The following EYS variants were observed in gnomAD, a reference collection of about 807,000 sequenced individuals.
EYS encodes the protein protein eyes shut homolog.
Under a neutral mutation model 282.1 loss-of-function variants are expected in EYS, and 250 were observed. That is an observed-to-expected ratio of 0.89 (90% CI 0.80 to 0.98). The LOEUF (loss-of-function observed/expected upper bound fraction) is 0.98, where lower values mean the gene tolerates loss of function less well. EYS is among the 50% of genes least tolerant of loss of function. The pLI, the probability that EYS is intolerant of heterozygous loss-of-function variation, is 0.00. For missense variants in EYS, 4,016 were observed against 3,709.0 expected, an observed-to-expected ratio of 1.08 and a Z score of -2.15; for synonymous variants, 1,355 against 1,282.9, an observed-to-expected ratio of 1.06 and a Z score of -1.20.
intron 12 of EYS, among the ~76,000 whole-genome samples, chr6:65,081,456 C>A (rs984469817): frequency 2.6e-5 from 4 of 151,936 alleles, no homozygotes; most frequent in African/African-American, 7.3e-5. Flanking sequence ...AAATTTACAA[C>A]AAATACTTTG....
At chr6:64,814,182 G>A (rs1377706060) in intron 21 of EYS, among the ~76,000 whole-genome samples, 2 of 152,036 alleles carry the variant, frequency 1.3e-5, no homozygotes, top group Non-Finnish European at 2.9e-5. Context: ...TCTGACACCT[G>A]TAGCTGCAGA....
intron 15 of EYS, among the ~76,000 whole-genome samples, chr6:64,913,139 T>C (rs1052299344): frequency 4.3e-4 from 65 of 152,254 alleles, no homozygotes; most frequent in African/African-American, 1.4e-3. Flanking sequence ...CTTAGCAATA[T>C]GTGAAATTCT....
chr6:64,395,533 C>CA (rs1218058515), intron 28 of EYS, among the ~76,000 whole-genome samples: 7 of 149,334 alleles, frequency 4.7e-5, no homozygotes, highest in African/African-American at 1.7e-4. Context: ...ATCGCAAGAA[C>CA]AAAAAACCAA....
intron 35 of EYS, among the ~76,000 whole-genome samples, chr6:63,964,908 C>G (rs1348618487): frequency 1.3e-5 from 2 of 152,166 alleles, no homozygotes; most frequent in Non-Finnish European, 2.9e-5. Flanking sequence ...ATTATGCCAA[C>G]AGATACTGCC....
intron 11 of EYS, among the ~76,000 whole-genome samples, chr6:65,328,586 AAAAT>A (rs1473063690): frequency 6.6e-6 from 1 of 151,154 alleles, no homozygotes; most frequent in Non-Finnish European, 1.5e-5. Flanking sequence ...AAATTGGACT[AAAAT>A]AATTTATGAA....
intron 12 of EYS, among the ~76,000 whole-genome samples, chr6:65,163,897 G>T (rs892528172): frequency 2.0e-5 from 3 of 151,206 alleles, no homozygotes; most frequent in African/African-American, 7.3e-5. Flanking sequence ...GTAGATACCA[G>T]ATGGCTCCAA....
intron 5 of EYS, among the ~76,000 whole-genome samples, chr6:65,453,567 T>C (rs966086420): frequency 6.6e-6 from 1 of 152,022 alleles, no homozygotes; most frequent in East Asian, 1.9e-4. Flanking sequence ...TTTTGTAATA[T>C]ACAATATTAA....
chr6:63,826,845 C>CAAAAAAAAAAAAAAAAAAAA (rs59957107), intron 36 of EYS, among the ~76,000 whole-genome samples: 3 of 76,762 alleles, frequency 3.9e-5, no homozygotes, highest in Admixed American at 1.4e-4. Context: ...AGTTAAAAAG[C>CAAAAAAAAAAAAAAAAAAAA]AAAAAAAAAA....
chr6:64,712,327 A>G (rs1322563340), intron 22 of EYS, among the ~76,000 whole-genome samples: 2 of 152,246 alleles, frequency 1.3e-5, no homozygotes, highest in Non-Finnish European at 2.9e-5. Context: ...AAAGTGTCTT[A>G]GTTAAAGAGA....
At chr6:64,446,959 T>C (rs1053224210) in intron 26 of EYS, among the ~76,000 whole-genome samples, 1 of 145,938 alleles carries the variant, frequency 6.9e-6, no homozygotes, top group African/African-American at 2.5e-5. Flanking sequence ...GAAACAATAA[T>C]GGAAATGTAT....
chr6:65,486,000 T>A (rs1765769328), intron 5 of EYS, among the ~76,000 whole-genome samples: 1 of 152,206 alleles, frequency 6.6e-6, no homozygotes, highest in Non-Finnish European at 1.5e-5. Context: ...CAAACAATAT[T>A]CAAAAATAAA....
chr6:64,656,862 G>T (rs997724811), intron 22 of EYS, among the ~76,000 whole-genome samples: 5 of 152,138 alleles, frequency 3.3e-5, no homozygotes, highest in Admixed American at 6.6e-5. Context: ...GGCTGTAAAA[G>T]GTTGAAATGG....
intron 26 of EYS, among the ~76,000 whole-genome samples, chr6:64,446,894 G>A (rs970897735): frequency 6.6e-6 from 1 of 150,930 alleles, no homozygotes; most frequent in African/African-American, 2.4e-5. Flanking sequence ...GAAATATTTT[G>A]CAACCAAAAT....
chr6:64,665,516 G>GT (rs1293637780), intron 22 of EYS, among the ~76,000 whole-genome samples: 10 of 152,028 alleles, frequency 6.6e-5, no homozygotes, highest in Non-Finnish European at 1.0e-4. Context: ...GTCATTCTAA[G>GT]TTTTTTGGAT....
intron 12 of EYS, among the ~76,000 whole-genome samples, chr6:65,058,761 A>G (rs1773487873): frequency 6.6e-6 from 1 of 150,782 alleles, no homozygotes; most frequent in Non-Finnish European, 1.5e-5. Context: ...TAGATTGCTT[A>G]ATTTCCCAAC....
intron 31 of EYS, among the ~76,000 whole-genome samples, chr6:64,190,861 C>G (rs767584783): frequency 1.3e-5 from 2 of 152,162 alleles, no homozygotes; most frequent in Non-Finnish European, 2.9e-5. Flanking sequence ...ATTTTTGTAA[C>G]TACCTATTAT....
chr6:63,902,255 AAAAAATTCTG>A (rs1311274200), intron 35 of EYS, among the ~76,000 whole-genome samples: 1 of 152,112 alleles, frequency 6.6e-6, no homozygotes, highest in Non-Finnish European at 1.5e-5. Context: ...ACCAAACCAA[AAAAAATTCTG>A]ATTGTCAATC....
intron 29 of EYS, among the ~76,000 whole-genome samples, chr6:64,339,284 G>GA (rs1382034013): frequency 2.0e-5 from 3 of 149,384 alleles, no homozygotes; most frequent in Non-Finnish European, 3.0e-5. Flanking sequence ...ATATCAGTAA[G>GA]AAAAAAAAAG....
In EYS at chr6:65,662,234, C is replaced by T. The variant is rs113522465; in HGVS notation, c.-447-22342G>A. Among the ~76,000 whole-genome samples the T allele has an allele frequency of 7.2e-5, 11 of 152,166 alleles. 1 individual carries two copies. Among genetic ancestry groups the T allele is most frequent in the East Asian group, 1.9e-4 (1 of 5,166 alleles). ...TGATTCTGAACATTCCCAAAATTTA[C>T]CACTTAATTTCTGGAAGAGGTTTAT... On this transcript the variant is annotated intron_variant, in intron 1 of 42. Coordinates refer to ENST00000503581, the MANE Select transcript of EYS (RefSeq NM_001142800.2).
Sources: gnomAD v4.1 joint callset for allele counts (sites outside exome capture counted in the v4.1 genomes callset) on GRCh38, gnomAD v4.1.1 for gene constraint, MANE v1.5 for transcripts, NCBI Gene and HGNC (gene_info 2026-07-23, HGNC 2026-07-21) for gene names.